The following INPP4B variants were observed in gnomAD, a reference collection of about 807,000 sequenced individuals.
INPP4B encodes inositol polyphosphate-4-phosphatase type II B, also known as inositol polyphosphate 4-phosphatase type II.
A neutral mutation model predicts 122.5 loss-of-function variants in INPP4B; 55 were observed. The ratio of observed to expected loss-of-function variants is 0.45; its 90% CI spans 0.36 to 0.56. The LOEUF is 0.56. Ranked by LOEUF, INPP4B falls within the 20% of genes least tolerant of loss-of-function variation. The pLI is 0.00. For missense variants in INPP4B, 1,000 were observed against 1,097.7 expected (o/e 0.91, Z 1.26); for synonymous variants, 403 against 388.7 (o/e 1.04, Z -0.43).
At chr4:142,202,924 T>C (rs1841288360) in intron 14 of INPP4B, among the ~76,000 whole-genome samples, 1 of 152,140 alleles carries the variant, frequency 6.6e-6, no homozygotes, top group African/African-American at 2.4e-5. Context: ...CCTCTCTTTT[T>C]GTGGTCTCCT....
chr4:142,110,574 CAG>C (rs1378681308), intron 22 of INPP4B, among the ~76,000 whole-genome samples: 1 of 152,080 alleles, frequency 6.6e-6, no homozygotes, highest in East Asian at 1.9e-4. Flanking sequence ...GTTCAGAGAA[CAG>C]AGAGTAAGCA....
At chr4:142,468,724 G>A (rs571578478) in intron 2 of INPP4B, among the ~76,000 whole-genome samples, 3 of 152,212 alleles carry the variant, frequency 2.0e-5, no homozygotes, top group African/African-American at 7.2e-5. Flanking sequence ...ATGAATAGAA[G>A]TAGCCTGAAG....
At chr4:142,824,423 T>C (rs187289923) in intron 1 of INPP4B, among the ~76,000 whole-genome samples, 1 of 152,252 alleles carries the variant, frequency 6.6e-6, no homozygotes, top group East Asian at 1.9e-4. Context: ...ATCCTCTAAA[T>C]CATCGTGGCT....
chr4:142,253,792 T>C (rs1733911375), intron 11 of INPP4B, among the ~76,000 whole-genome samples: 1 of 152,152 alleles, frequency 6.6e-6, no homozygotes, highest in South Asian at 2.1e-4. Context: ...GCACCCACCA[T>C]TGCCCAGGCT....
chr4:142,594,719 C>T (rs1013305849), intron 2 of INPP4B, among the ~76,000 whole-genome samples: 3 of 151,878 alleles, frequency 2.0e-5, no homozygotes, highest in Non-Finnish European at 4.4e-5. Flanking sequence ...ACTTTGGGAG[C>T]CCGAGGCGGT....
chr4:142,783,301 C>T (rs1775188621), intron 1 of INPP4B, among the ~76,000 whole-genome samples: 1 of 152,078 alleles, frequency 6.6e-6, no homozygotes, highest in African/African-American at 2.4e-5. Flanking sequence ...CTACAATGAA[C>T]TCAAACAAAT....
At chr4:142,034,751 C>CAGAGCA (rs1396841607) in intron 25 of INPP4B, among the ~76,000 whole-genome samples, 1 of 152,154 alleles carries the variant, frequency 6.6e-6, no homozygotes, top group Non-Finnish European at 1.5e-5. Flanking sequence ...GGCACCTCCT[C>CAGAGCA]CTAGCCACTC....
intron 17 of INPP4B, among the ~76,000 whole-genome samples, chr4:142,157,307 C>G (rs1817741476): frequency 6.6e-6 from 1 of 152,060 alleles, no homozygotes. Context: ...TAAGGGATTT[C>G]TATCCTCTGA....
chr4:142,585,107 T>G (rs1291231396), intron 2 of INPP4B, among the ~76,000 whole-genome samples: 1 of 152,116 alleles, frequency 6.6e-6, no homozygotes, highest in Non-Finnish European at 1.5e-5. Context: ...GTTGTTGTTG[T>G]GTGATATTGG....
At chr4:142,199,968 TACTC>T (rs1359390811) in intron 14 of INPP4B, among the ~76,000 whole-genome samples, 1 of 152,086 alleles carries the variant, frequency 6.6e-6, no homozygotes, top group African/African-American at 2.4e-5. Flanking sequence ...CTTAAACTTT[TACTC>T]ACTAATTTTT....
chr4:142,357,951 C>T (rs1278974155), intron 7 of INPP4B, among the ~76,000 whole-genome samples: 1 of 151,968 alleles, frequency 6.6e-6, no homozygotes. Flanking sequence ...AAAGGACACA[C>T]AAAAGACTTG....
intron 16 of INPP4B, among the ~76,000 whole-genome samples, chr4:142,160,805 C>T (rs17015612): frequency 0.037 from 5,689 of 152,014 alleles, 261 homozygotes; most frequent in East Asian, 0.12. Flanking sequence ...CTATAAACAC[C>T]GTCTGTCTCC....
intron 2 of INPP4B, among the ~76,000 whole-genome samples, chr4:142,593,251 T>G (rs1161832045): frequency 6.6e-6 from 1 of 152,026 alleles, no homozygotes; most frequent in African/African-American, 2.4e-5. Context: ...TCCTCACAGA[T>G]GATGAGGTAA....
chr4:142,368,045 T>C (rs1445971844), intron 7 of INPP4B, among the ~76,000 whole-genome samples: 1 of 152,192 alleles, frequency 6.6e-6, no homozygotes, highest in East Asian at 1.9e-4. Flanking sequence ...AAGTAACTTT[T>C]CTACTAAGCC....
chr4:142,084,530 T>C (rs1275477319), intron 24 of INPP4B, among the ~76,000 whole-genome samples: 1 of 152,180 alleles, frequency 6.6e-6, no homozygotes, highest in East Asian at 1.9e-4. Context: ...AAAATATTTT[T>C]GGAAAATATC....
intron 1 of INPP4B, among the ~76,000 whole-genome samples, chr4:142,727,002 CA>C (rs1252746035): frequency 2.0e-5 from 3 of 151,956 alleles, no homozygotes; most frequent in African/African-American, 4.8e-5. Context: ...AGAACAACAA[CA>C]AAAAAGGCTT....
chr4:142,403,833 TCAGA>T (rs1181953693), intron 6 of INPP4B, among the ~76,000 whole-genome samples: 2 of 152,190 alleles, frequency 1.3e-5, no homozygotes, highest in Non-Finnish European at 2.9e-5. Context: ...TGGCACTGCA[TCAGA>T]CACTTTGGAA....
chr4:142,214,415 C>A (rs1005245060), intron 12 of INPP4B, among the ~76,000 whole-genome samples: 1 of 152,152 alleles, frequency 6.6e-6, no homozygotes, highest in African/African-American at 2.4e-5. Flanking sequence ...CCTTCTTGAA[C>A]GGGCCCCACT....
intron 8 of INPP4B, among the ~76,000 whole-genome samples, chr4:142,312,129 T>G (rs1765737052): frequency 6.6e-6 from 1 of 151,784 alleles, no homozygotes. Flanking sequence ...TATAGCCGAG[T>G]TTTTTCAAAG....
Sources: gnomAD v4.1 joint callset for allele counts (sites outside exome capture counted in the v4.1 genomes callset) on GRCh38, gnomAD v4.1.1 for gene constraint, MANE v1.5 for transcripts, NCBI Gene and HGNC (gene_info 2026-07-23, HGNC 2026-07-21) for gene names.